Variants in MAP3K7 observed in about 807,000 individuals in gnomAD.
MAP3K7 encodes mitogen-activated protein kinase kinase kinase 7.
Under a neutral mutation model 84.8 loss-of-function variants are expected in MAP3K7, and 21 were observed. The ratio of observed to expected loss-of-function variants is 0.25; its 90% confidence interval spans 0.18 to 0.36. MAP3K7 has a LOEUF of 0.36. MAP3K7 is among the 10% of genes least tolerant of loss of function. MAP3K7 has a pLI of 1.00. For synonymous variants in MAP3K7, 241 were observed against 247.7 expected, an observed-to-expected ratio of 0.97 and a Z score of 0.25; for missense variants, 503 against 747.7, an observed-to-expected ratio of 0.67 and a Z score of 3.82.
Position 90,556,628 on chromosome 6 carries a change from T to A in MAP3K7, c.483-4A>T, listed in dbSNP as rs758977222. On this transcript the variant is annotated splice_polypyrimidine_tract_variant and splice_region_variant and intron_variant, in intron 5 of 16. Coordinates refer to ENST00000369329, the MANE Select transcript of MAP3K7 (RefSeq NM_145331.3). ...CCCCCCTGCAACCAGCAGTAAGCTG[T>A]TTAAAAAAAAACAAAAAACATCAAA... 8.4e-6 allele frequency: 13 copies of A among 1,552,524 alleles called. No individual in the cohort carries two copies. In the South Asian group the frequency reaches 1.6e-4, roughly 19 times the overall value.
chr6:90,544,764 A>G (rs1775952819), intron 11 of MAP3K7, 132 bp from the exon 12 acceptor site: 2 of 695,318 alleles, frequency 2.9e-6, no homozygotes, highest in East Asian at 5.4e-5. Context: ...TGGCATGCAG[A>G]ACTACCTAAC....
chr6:90,571,937 A>G, intron 1 of MAP3K7, 130 bp from the exon 2 acceptor site: 1 of 488,988 alleles, frequency 2.0e-6, no homozygotes, highest in South Asian at 3.8e-5. Context: ...AAACATGGAA[A>G]TCAACAGTAT....
intron 13 of MAP3K7, among the ~76,000 whole-genome samples, chr6:90,533,751 T>C (rs1448683068): frequency 6.6e-6 from 1 of 152,220 alleles, no homozygotes; most frequent in Non-Finnish European, 1.5e-5. Flanking sequence ...AATAAGACAG[T>C]AACATGCTCT....
chr6:90,539,508 C>A (rs998582916), intron 12 of MAP3K7, among the ~76,000 whole-genome samples: 1 of 151,768 alleles, frequency 6.6e-6, no homozygotes, highest in Non-Finnish European at 1.5e-5. Flanking sequence ...TGAGAACTTG[C>A]CAGATCTAGA....
At chr6:90,584,589 C>T (rs563523719) in intron 1 of MAP3K7, among the ~76,000 whole-genome samples, 1 of 152,082 alleles carries the variant, frequency 6.6e-6, no homozygotes, top group Non-Finnish European at 1.5e-5. Flanking sequence ...AGCGAAATAG[C>T]TTTAGGGGAA....
Position 90,562,460 on chromosome 6 carries a change from G to A in MAP3K7, c.298-793C>T, listed in dbSNP as rs529237738. On this transcript the variant is annotated intron_variant, in intron 3 of 16. Transcript: ENST00000369329. ...CTGGCTCGGAGGGTCCCATGCCCAC[G>A]GTGCCTCACTCACTGCTAGCACAGC... 1.3e-3 allele frequency among the ~76,000 whole-genome samples: 205 copies of A among 152,270 alleles called. 1 individual carries two copies. The highest frequency in any genetic ancestry group is 2.2e-3 in the Non-Finnish European group (150 of 68,008).
At chr6:90,581,170 T>G (rs903061745) in intron 1 of MAP3K7, among the ~76,000 whole-genome samples, 1 of 152,236 alleles carries the variant, frequency 6.6e-6, no homozygotes, top group Admixed American at 6.5e-5. Context: ...ACAAGTCATG[T>G]TAAAGAAAAC....
chr6:90,556,240 T>C (rs1234167394), intron 6 of MAP3K7, among the ~76,000 whole-genome samples: 1 of 152,212 alleles, frequency 6.6e-6, no homozygotes, highest in Non-Finnish European at 1.5e-5. Flanking sequence ...CAAATAAATG[T>C]TAGCAAATAG....
chr6:90,540,069 T>A (rs1775807081), intron 12 of MAP3K7, among the ~76,000 whole-genome samples: 1 of 151,874 alleles, frequency 6.6e-6, no homozygotes, highest in Non-Finnish European at 1.5e-5. Context: ...AAGAATGATA[T>A]AACAAACAAT....
At chr6:90,560,409 T>C (rs1475330060) in intron 4 of MAP3K7, among the ~76,000 whole-genome samples, 195 bp from the exon 5 acceptor site, 1 of 152,234 alleles carries the variant, frequency 6.6e-6, no homozygotes, top group Non-Finnish European at 1.5e-5. Flanking sequence ...GTCGCCAGGC[T>C]GGAGTGCAGT....
At chr6:90,572,403 A>T (rs1776935568) in intron 1 of MAP3K7, among the ~76,000 whole-genome samples, 2 of 151,592 alleles carry the variant, frequency 1.3e-5, no homozygotes, top group Middle Eastern at 3.4e-3. Context: ...CAAAAACATT[A>T]TGCTAAGTCA....
chr6:90,527,092 G>T (rs1005101772), intron 13 of MAP3K7, among the ~76,000 whole-genome samples: 1 of 152,094 alleles, frequency 6.6e-6, no homozygotes, highest in African/African-American at 2.4e-5. Context: ...GACTGCAAAG[G>T]TCACTCATCT....
chr6:90,547,524 G>T, intron 10 of MAP3K7, 137 bp from the exon 11 acceptor site: 1 of 916,612 alleles, frequency 1.1e-6, no homozygotes, highest in South Asian at 1.6e-5. Context: ...AAGTTTGTAC[G>T]AGAGGGAGCT....
At chr6:90,555,909 A>G (rs942208420) in intron 6 of MAP3K7, among the ~76,000 whole-genome samples, 5 of 152,230 alleles carry the variant, frequency 3.3e-5, no homozygotes, top group Admixed American at 2.0e-4. Flanking sequence ...AATTTAACAT[A>G]TGTATATTGT....
At chr6:90,545,749 T>TTTCC in intron 11 of MAP3K7, among the ~76,000 whole-genome samples, 1 of 152,286 alleles carries the variant, frequency 6.6e-6, no homozygotes, top group South Asian at 2.1e-4. Flanking sequence ...TTAGCAATAG[T>TTTCC]ACTCTGATTT....
In MAP3K7 at chr6:90,518,542, G is replaced by A. The variant is rs1775044490; in HGVS notation, c.1545C>T (p.Asn515=). 6.2e-7 allele frequency: 1 copy of A among 1,603,368 alleles called. No homozygotes were observed. Among genetic ancestry groups the A allele is most frequent in the African/African-American group, 1.3e-5 (1 of 74,570 alleles). Residue 515 remains asparagine, a synonymous_variant, in exon 16 of 17, where the codon AAC becomes AAT. Transcript: ENST00000369329. Reference sequence around the variant, plus strand: ...CAAACACTGCCATAGATTCTTTGGAGTTTGGGCACGGTGCTAGAGGCTGAA... The same window carrying A: ...CAAACACTGCCATAGATTCTTTGGAATTTGGGCACGGTGCTAGAGGCTGAA... The part of the protein sequence containing the change: ...HQLQPLAPCP[N]SKESMAVFEQ...
At chr6:90,550,767 G>A (rs563608915) in intron 8 of MAP3K7, 49 of 385,236 alleles carry the variant, frequency 1.3e-4, no homozygotes, top group African/African-American at 9.7e-4. Flanking sequence ...TAGTCTTGAA[G>A]AAAACAGCAA....
intron 9 of MAP3K7, among the ~76,000 whole-genome samples, chr6:90,550,106 G>A (rs956789584): frequency 6.6e-6 from 1 of 152,018 alleles, no homozygotes; most frequent in Non-Finnish European, 1.5e-5. Flanking sequence ...AAACTAGGGT[G>A]TTCGTGATGA....
chr6:90,545,434 C>T (rs909770953), intron 11 of MAP3K7, among the ~76,000 whole-genome samples: 8 of 152,000 alleles, frequency 5.3e-5, no homozygotes, highest in Admixed American at 2.0e-4. Context: ...ATGATACTAG[C>T]GAAGACATGA....
Sources: gnomAD v4.1 joint callset for allele counts (sites outside exome capture counted in the v4.1 genomes callset) on GRCh38, gnomAD v4.1.1 for gene constraint, MANE v1.5 for transcripts, NCBI Gene and HGNC (gene_info 2026-07-23, HGNC 2026-07-21) for gene names.